ABHD3: variants seen among roughly 807,000 people sequenced by gnomAD.
The protein encoded by ABHD3 is phospholipase ABHD3.
Under a neutral mutation model 48.8 loss-of-function variants are expected in ABHD3, and 46 were observed. That is an observed-to-expected ratio of 0.94 (90% CI 0.74 to 1.20). The LOEUF is 1.20. Among genes scored for constraint, ABHD3 ranks in the 50% most tolerant of loss-of-function variants. The pLI, the probability that ABHD3 is intolerant of heterozygous loss-of-function variation, is 0.00. For missense variants in ABHD3, 490 were observed against 497.8 expected (o/e 0.98, Z 0.15); for synonymous variants, 192 against 183.7 (o/e 1.04, Z -0.36).
At chr18:21,693,098 C>T (rs947900676) in intron 3 of ABHD3, among the ~76,000 whole-genome samples, 3 of 152,294 alleles carry the variant, frequency 2.0e-5, no homozygotes, top group South Asian at 4.1e-4. Flanking sequence ...GCATCTTCTT[C>T]GTATTAATAA....
chr18:21,656,467 G>A (rs2039352079), intron 8 of ABHD3, among the ~76,000 whole-genome samples: 1 of 152,168 alleles, frequency 6.6e-6, no homozygotes, highest in African/African-American at 2.4e-5. Flanking sequence ...AAAGTCTCAA[G>A]TTCTCTTCCA....
At chr18:21,679,195 A>C (rs1318878741) in intron 4 of ABHD3, among the ~76,000 whole-genome samples, 2 of 152,200 alleles carry the variant, frequency 1.3e-5, no homozygotes, top group African/African-American at 4.8e-5. Context: ...GAACAAGGTG[A>C]GGTATAAATA....
At chr18:21,696,860 C>T (rs186429820) in intron 3 of ABHD3, among the ~76,000 whole-genome samples, 2 of 152,112 alleles carry the variant, frequency 1.3e-5, no homozygotes, top group South Asian at 2.1e-4. Flanking sequence ...TAAGCCACTG[C>T]ACCTGGCATT....
intron 5 of ABHD3, 150 bp downstream of exon 5, chr18:21,663,960 CTTCGTTCA>C (rs1382853166): frequency 7.0e-7 from 1 of 1,427,152 alleles, no homozygotes; most frequent in Admixed American, 3.1e-5. Flanking sequence ...TCTTTCCTTC[CTTCGTTCA>C]TTCAATCAAC....
intron 4 of ABHD3, among the ~76,000 whole-genome samples, chr18:21,679,909 A>G (rs1344255234): frequency 6.6e-6 from 1 of 152,112 alleles, no homozygotes; most frequent in African/African-American, 2.4e-5. Flanking sequence ...CCTGGGCTCA[A>G]GTTATGTGCC....
intron 2 of ABHD3, 149 bp downstream of exon 2, chr18:21,703,435 C>A: frequency 1.0e-6 from 1 of 954,280 alleles, no homozygotes. Context: ...GGGGGTGGAG[C>A]CGGGGACGTA....
intron 4 of ABHD3, among the ~76,000 whole-genome samples, chr18:21,679,769 C>T (rs1203972705): frequency 5.3e-5 from 8 of 152,340 alleles, no homozygotes; most frequent in African/African-American, 1.7e-4. Context: ...TCATGATCCA[C>T]GCACCTCAGC....
chr18:21,695,181 C>T lies in ABHD3; in HGVS notation c.509+7135G>A, dbSNP rs530933809. On this transcript the variant is annotated intron_variant, in intron 3 of 8. Transcript: ENST00000289119. ...CCAAGTAGCTGGGATTACAGGCACC[C>T]GCCACCAGGCTAAAGTTTTTGTATT... 1.4e-3 allele frequency among the ~76,000 whole-genome samples: 220 copies of T among 152,194 alleles called. 1 individual carries two copies. Among genetic ancestry groups the T allele is most frequent in the Middle Eastern group, 0.014 (4 of 294 alleles).
At chr18:21,663,617 G>A in intron 5 of ABHD3, 3 of 1,493,376 alleles carry the variant, frequency 2.0e-6, no homozygotes, top group African/African-American at 2.8e-5. Flanking sequence ...CAGTTTCTAG[G>A]AGAGCACTCC....
chr18:21,676,596 G>A (rs1484954104), intron 4 of ABHD3, among the ~76,000 whole-genome samples: 1 of 152,224 alleles, frequency 6.6e-6, no homozygotes, highest in South Asian at 2.1e-4. Context: ...TCACCGTGTT[G>A]GCCAGGCTGG....
At chr18:21,684,236 C>T (rs1413134795) in intron 3 of ABHD3, among the ~76,000 whole-genome samples, 4 of 151,848 alleles carry the variant, frequency 2.6e-5, no homozygotes, top group African/African-American at 9.7e-5. Flanking sequence ...CCAACTTCTT[C>T]CTACGCACAT....
At chr18:21,696,568 T>A (rs930281164) in intron 3 of ABHD3, among the ~76,000 whole-genome samples, 1 of 152,126 alleles carries the variant, frequency 6.6e-6, no homozygotes, top group Admixed American at 6.6e-5. Flanking sequence ...TTACTGGAGA[T>A]TTTTTGGAAT....
chr18:21,700,827 CAAAAAAAAAAAAA>C (rs375239917), intron 3 of ABHD3, among the ~76,000 whole-genome samples: 4 of 94,378 alleles, frequency 4.2e-5, no homozygotes, highest in African/African-American at 7.0e-5. Context: ...AAGTTTTAGC[CAAAAAAAAAAAAA>C]AAAAAAAAAT....
intron 4 of ABHD3, among the ~76,000 whole-genome samples, chr18:21,681,637 C>A (rs965461867): frequency 6.6e-6 from 1 of 152,154 alleles, no homozygotes; most frequent in Non-Finnish European, 1.5e-5. Context: ...ATCAATGATT[C>A]AATACCAGGT....
chr18:21,703,836 C>A, intron 1 of ABHD3, 89 bp from the exon 2 acceptor site: 2 of 1,442,356 alleles, frequency 1.4e-6, no homozygotes, highest in Non-Finnish European at 1.9e-6. Flanking sequence ...GTCGCTCGCG[C>A]GCGCGCTTCC....
chr18:21,653,350 T>A (rs536064313), intron 8 of ABHD3, among the ~76,000 whole-genome samples: 8 of 151,508 alleles, frequency 5.3e-5, no homozygotes, highest in African/African-American at 1.9e-4. Context: ...GGTTTCACAA[T>A]GTTGGCCAGG....
chr18:21,696,040 A>T (rs45600131), intron 3 of ABHD3, among the ~76,000 whole-genome samples: 24,925 of 151,956 alleles, frequency 0.16, 2,494 homozygotes, highest in Middle Eastern at 0.26. Context: ...TTATTTTTTT[A>T]AATTTTAAAT....
At chr18:21,663,725 A>T in intron 5 of ABHD3, 1 of 1,535,642 alleles carries the variant, frequency 6.5e-7, no homozygotes, top group Non-Finnish European at 8.7e-7. Context: ...GAGAGCAATA[A>T]GTGATTATTT....
chr18:21,666,454 AGTGCTAGGATTACAGGT>A (rs2039632295), intron 4 of ABHD3, among the ~76,000 whole-genome samples: 1 of 151,974 alleles, frequency 6.6e-6, no homozygotes, highest in African/African-American at 2.4e-5. Flanking sequence ...GGCCTCCCAA[AGTGCTAGGATTACAGGT>A]GTGAGCCACC....
Sources: gnomAD v4.1 joint callset for allele counts (sites outside exome capture counted in the v4.1 genomes callset) on GRCh38, gnomAD v4.1.1 for gene constraint, MANE v1.5 for transcripts, NCBI Gene and HGNC (gene_info 2026-07-23, HGNC 2026-07-21) for gene names.